Variants in ZNF569 observed in about 807,000 individuals in gnomAD.
ZNF569 encodes the protein zinc finger protein 569.
ZNF569 carries 38 observed loss-of-function variants against 56.3 expected under a neutral mutation model. The ratio of observed to expected loss-of-function variants is 0.68; its 90% CI spans 0.52 to 0.88. ZNF569 has a LOEUF of 0.88. Ranked by LOEUF, ZNF569 falls within the 40% of genes least tolerant of loss-of-function variation. ZNF569 has a pLI of 0.00. For synonymous variants in ZNF569, 241 were observed against 262.9 expected (o/e 0.92, Z 0.81); for missense variants, 666 against 809.2 (o/e 0.82, Z 2.15).
At chr19:37,421,743 C>CTTTTTTTTTTTTTTTTTTTTTT (rs748058159) in intron 5 of ZNF569, among the ~76,000 whole-genome samples, 1 of 79,664 alleles carries the variant, frequency 1.3e-5, no homozygotes, top group Non-Finnish European at 2.3e-5. Context: ...TGTAGTGGCA[C>CTTTTTTTTTTTTTTTTTTTTTT]TTTTTTTTTT....
chr19:37,426,936 G>A (rs1003286116), intron 3 of ZNF569, among the ~76,000 whole-genome samples: 2 of 152,188 alleles, frequency 1.3e-5, no homozygotes, highest in Non-Finnish European at 2.9e-5. Flanking sequence ...GAATCTCAGA[G>A]ACAACCATGA....
In ZNF569 at chr19:37,422,025, C is replaced by T. The variant is rs572252660; in HGVS notation, c.238+3843G>A. On this transcript the variant is annotated intron_variant, in intron 5 of 5. Coordinates refer to ENST00000316950, the MANE Select transcript of ZNF569 (RefSeq NM_152484.3). ...TCAGCCTGCCAAAGTGTTAGGATTACAGGCGTGAGCCACCACACCTGGCCA... is the reference window on the plus strand; with the variant it reads ...TCAGCCTGCCAAAGTGTTAGGATTATAGGCGTGAGCCACCACACCTGGCCA... Among the ~76,000 whole-genome samples, 20 of 152,272 alleles carry T rather than the reference C, an allele frequency of 1.3e-4. 1 individual carries two copies. The South Asian group carries it at 4.1e-3, about 32-fold the overall frequency.
At chr19:37,442,301 G>A (rs549515507) in intron 3 of ZNF569, among the ~76,000 whole-genome samples, 1 of 152,336 alleles carries the variant, frequency 6.6e-6, no homozygotes, top group South Asian at 2.1e-4. Flanking sequence ...CCTGAATGAT[G>A]AGAAAGAACC....
chr19:37,465,226 C>T (rs548928592), intron 2 of ZNF569, 87 bp downstream of exon 2: 1 of 152,238 alleles, frequency 6.6e-6, no homozygotes, highest in Non-Finnish European at 1.5e-5. Flanking sequence ...ACTCAGACTC[C>T]TATCTCTAGT....
At chr19:37,456,842 C>T (rs933757730) in intron 2 of ZNF569, among the ~76,000 whole-genome samples, 3 of 151,888 alleles carry the variant, frequency 2.0e-5, no homozygotes, top group Non-Finnish European at 4.4e-5. Context: ...GTGGCAGGCG[C>T]CTGTAATCCT....
chr19:37,465,459 A>T lies in ZNF569; in HGVS notation c.-190T>A, dbSNP rs2041815132. 6.6e-6 allele frequency: 1 copy of T among 152,214 alleles called. No homozygotes were observed. The allele number at this position is 152,214 out of a possible 1,614,324, so 9.4% of individuals were successfully genotyped here. Reference sequence around the variant, plus strand: ...TGAGTCTATGAATGAATGAATCCTTAATATATGAAGAACTCTGGAAAAGAA... The same window carrying T: ...TGAGTCTATGAATGAATGAATCCTTTATATATGAAGAACTCTGGAAAAGAA... On this transcript the variant is annotated 5_prime_UTR_variant, in exon 2 of 6. Coordinates refer to ENST00000316950, the MANE Select transcript of ZNF569 (RefSeq NM_152484.3).
intron 2 of ZNF569, among the ~76,000 whole-genome samples, chr19:37,448,405 TGA>T (rs1243499703): frequency 1.3e-5 from 2 of 152,070 alleles, no homozygotes; most frequent in African/African-American, 4.8e-5. Flanking sequence ...TCTGTGGGGG[TGA>T]GTGTGACACC....
chr19:37,419,943 G>A (rs2041001818), intron 5 of ZNF569, among the ~76,000 whole-genome samples: 1 of 147,742 alleles, frequency 6.8e-6, no homozygotes, highest in Non-Finnish European at 1.5e-5. Flanking sequence ...TGGGGTGGCT[G>A]TAGCAATTTC....
At chr19:37,458,527 C>A (rs573250023) in intron 2 of ZNF569, among the ~76,000 whole-genome samples, 1 of 152,294 alleles carries the variant, frequency 6.6e-6, no homozygotes, top group African/African-American at 2.4e-5. Context: ...ACAACTTTAT[C>A]ATTTGATTGG....
intron 3 of ZNF569, among the ~76,000 whole-genome samples, chr19:37,441,671 A>C (rs946844869): frequency 6.6e-6 from 1 of 151,878 alleles, no homozygotes; most frequent in African/African-American, 2.4e-5. Flanking sequence ...AAAAAAAAGA[A>C]GGCAAGATGC....
chr19:37,413,691 C>T lies in ZNF569; in HGVS notation c.967G>A (p.Glu323Lys), dbSNP rs2040879004. The change falls in exon 6 of 6, where the codon GAG becomes AAG. Residue 323 changes from glutamate (E) to lysine (K), a missense_variant. Physicochemically the swap from Glu to Lys is moderately conservative, Grantham distance 56. Coordinates refer to ENST00000316950, the MANE Select transcript of ZNF569 (RefSeq NM_152484.3). ...LIAHQKVHTG[E>K]KPYACNECGK... is the part of the protein sequence containing the mutation. ...CATTCATTACATGCATAAGGTTTCT[C>T]CCCAGTATGAACTTTCTGATGTGCA... 1.4e-5 allele frequency: 23 copies of T among 1,613,766 alleles called. No individual in the cohort carries two copies. Among genetic ancestry groups the T allele is most frequent in the Non-Finnish European group, 1.9e-5 (22 of 1,179,928 alleles).
At chr19:37,441,567 G>A (rs1286757065) in intron 3 of ZNF569, among the ~76,000 whole-genome samples, 3 of 152,132 alleles carry the variant, frequency 2.0e-5, no homozygotes, top group South Asian at 2.1e-4. Flanking sequence ...AGCTGAAGGC[G>A]GGAGGATTGC....
At chr19:37,424,694 T>C (rs2041094875) in intron 5 of ZNF569, among the ~76,000 whole-genome samples, 1 of 151,124 alleles carries the variant, frequency 6.6e-6, no homozygotes, top group Admixed American at 6.6e-5. Context: ...TGCATGCCTA[T>C]AGTCCCAGCT....
At chr19:37,456,979 A>C (rs975344258) in intron 2 of ZNF569, among the ~76,000 whole-genome samples, 3 of 142,960 alleles carry the variant, frequency 2.1e-5, no homozygotes, top group African/African-American at 5.9e-5. Context: ...AAAAAAAAAA[A>C]ACAAAAAACA....
At chr19:37,417,451 G>A (rs1389443236) in intron 5 of ZNF569, among the ~76,000 whole-genome samples, 1 of 152,006 alleles carries the variant, frequency 6.6e-6, no homozygotes, top group African/African-American at 2.4e-5. Flanking sequence ...GTTTCACCAT[G>A]TTGCCCTGGG....
intron 5 of ZNF569, among the ~76,000 whole-genome samples, chr19:37,418,132 A>AATAATG (rs978166195): frequency 1.4e-5 from 2 of 147,950 alleles, no homozygotes; most frequent in African/African-American, 4.9e-5. Flanking sequence ...TAATAATAAT[A>AATAATG]ATAAAATAAA....
chr19:37,468,090 TTTTG>T (rs2041881360), upstream of ZNF569: 2 of 676,200 alleles, frequency 3.0e-6, no homozygotes, highest in African/African-American at 2.1e-5. Context: ...TTTTTGTTTG[TTTTG>T]TTTTTTTTGA....
At chr19:37,457,328 AT>A (rs1488249597) in intron 2 of ZNF569, among the ~76,000 whole-genome samples, 2 of 152,178 alleles carry the variant, frequency 1.3e-5, no homozygotes, top group African/African-American at 4.8e-5. Context: ...TATAAAATGC[AT>A]CTTAAGTAAC....
At chr19:37,467,851 G>A, upstream of ZNF569, 1 of 1,535,132 alleles carries the variant, frequency 6.5e-7, no homozygotes, top group Non-Finnish European at 8.7e-7. Context: ...TTATATTCTC[G>A]TGGCTGTTTG....
Sources: gnomAD v4.1 joint callset for allele counts (sites outside exome capture counted in the v4.1 genomes callset) on GRCh38, gnomAD v4.1.1 for gene constraint, MANE v1.5 for transcripts, NCBI Gene and HGNC (gene_info 2026-07-23, HGNC 2026-07-21) for gene names.